Variants in PCDHGB5 observed in about 807,000 individuals in gnomAD.
PCDHGB5 encodes protocadherin gamma subfamily B, 5.
In PCDHGB5, 48 loss-of-function variants were observed where a neutral mutation model predicts 62.9. The observed-to-expected ratio is 0.76, with a 90% CI of 0.61 to 0.97. The LOEUF is 0.97. PCDHGB5 is among the 50% of genes least tolerant of loss of function. The probability of loss-of-function intolerance (pLI) is 0.00; values close to 1 mark genes in which losing one functional copy is unlikely to be tolerated. For missense variants in PCDHGB5, 1,118 were observed against 1,198.6 expected, an observed-to-expected ratio of 0.93 and a Z score of 0.99; for synonymous variants, 474 against 511.2, an observed-to-expected ratio of 0.93 and a Z score of 0.98.
intron 1 of PCDHGB5, among the ~76,000 whole-genome samples, chr5:141,449,579 ACT>A (rs370512396): frequency 0.052 from 7,360 of 141,924 alleles, 400 homozygotes; most frequent in African/African-American, 0.14. Flanking sequence ...ACAGAGCAAG[ACT>A]CTGTCTCAAA....
chr5:141,482,752 T>C (rs1361016909), intron 1 of PCDHGB5, among the ~76,000 whole-genome samples: 1 of 127,096 alleles, frequency 7.9e-6, no homozygotes, highest in Non-Finnish European at 1.6e-5. Context: ...AGAGGGATTA[T>C]GGTATTTCAT....
chr5:141,444,494 A>G (rs892854259), intron 1 of PCDHGB5, among the ~76,000 whole-genome samples: 1 of 152,010 alleles, frequency 6.6e-6, no homozygotes, highest in Admixed American at 6.6e-5. Flanking sequence ...ATATTGTGTA[A>G]TACTTTGCTC....
chr5:141,439,459 A>T (rs558086952), intron 1 of PCDHGB5, among the ~76,000 whole-genome samples: 1 of 152,340 alleles, frequency 6.6e-6, no homozygotes, highest in African/African-American at 2.4e-5. Flanking sequence ...GCAAGACTGC[A>T]CTGCTGCCTT....
At position 141,489,297 on chromosome 5, in the gene PCDHGB5, G is replaced by A. The variant is rs184934961; in HGVS notation, c.2398-5510G>A. 5.1e-6 allele frequency: 8 copies of A among 1,583,774 alleles called. No homozygotes were observed. Among genetic ancestry groups the A allele is most frequent in the Non-Finnish European group, 6.9e-6 (8 of 1,164,904 alleles). ...GGAAATGGCAAGTGCTGTGCATGTT[G>A]TCCTTGTGCTGCTGGGGCTGGGTGT... is the stretch of plus-strand genomic sequence containing the variant. On this transcript the variant is annotated intron_variant, in intron 1 of 3. Coordinates refer to ENST00000617380, the MANE Select transcript of PCDHGB5 (RefSeq NM_018925.3). This position sits in a 1 kb window ranked among gnomAD's most constrained non-coding sequence, Gnocchi z 4.5.
At chr5:141,457,864 C>T (rs962336979) in intron 1 of PCDHGB5, among the ~76,000 whole-genome samples, 5 of 152,166 alleles carry the variant, frequency 3.3e-5, no homozygotes, top group African/African-American at 4.8e-5. Flanking sequence ...CTTCACTGAC[C>T]ACAGGTTAGG....
At chr5:141,481,732 T>G (rs549671056) in intron 1 of PCDHGB5, among the ~76,000 whole-genome samples, 33 of 151,884 alleles carry the variant, frequency 2.2e-4, no homozygotes, top group Non-Finnish European at 4.3e-4. Context: ...GGCGGGCGGA[T>G]CACGAGGTCA....
intron 2 of PCDHGB5, among the ~76,000 whole-genome samples, chr5:141,497,767 C>T (rs1419825322): frequency 1.3e-5 from 2 of 152,066 alleles, no homozygotes; most frequent in East Asian, 3.9e-4. Flanking sequence ...TCAAACTCCC[C>T]GACCTCAACT....
intron 1 of PCDHGB5, chr5:141,421,895 GA>G: frequency 6.2e-7 from 1 of 1,613,730 alleles, no homozygotes; most frequent in African/African-American, 1.3e-5. Flanking sequence ...GATCCCATCC[GA>G]AAGGGCGCAG....
At chr5:141,437,195 A>G (rs2097867163) in intron 1 of PCDHGB5, among the ~76,000 whole-genome samples, 2 of 152,180 alleles carry the variant, frequency 1.3e-5, no homozygotes, top group African/African-American at 4.8e-5. Context: ...ATGGGTTTGG[A>G]TGTGTTTACA....
Position 141,491,900 on chromosome 5 carries a change from G to A in PCDHGB5, c.2398-2907G>A, listed in dbSNP as rs1268804496. 7.0e-7 allele frequency: 1 copy of A among 1,429,818 alleles called. No individual in the cohort carries two copies. Among genetic ancestry groups the A allele is most frequent in the East Asian group, 2.5e-5 (1 of 39,444 alleles). The allele number at this position is 1,429,818 out of a possible 1,614,324, so 88.6% of individuals were successfully genotyped here. A position where few individuals can be genotyped will look rare whatever the true frequency, so the allele number is the denominator to read the frequency against. ...TAAGGGATGGGGCTCCGAGCACCGGGGGTGGTGGCGACTGTGGGCGAGGGG... is the reference window on the plus strand; with the variant it reads ...TAAGGGATGGGGCTCCGAGCACCGGAGGTGGTGGCGACTGTGGGCGAGGGG... On this transcript the variant is annotated intron_variant, in intron 1 of 3. Coordinates refer to ENST00000617380, the MANE Select transcript of PCDHGB5 (RefSeq NM_018925.3). This position sits in a 1 kb window ranked among gnomAD's most constrained non-coding sequence, Gnocchi z 6.9.
chr5:141,478,026 C>T (rs1192406949), intron 1 of PCDHGB5: 2 of 1,614,062 alleles, frequency 1.2e-6, no homozygotes, highest in East Asian at 2.2e-5. Flanking sequence ...GTCCAAGACA[C>T]AGATTCACCC....
At chr5:141,413,844 C>A in intron 1 of PCDHGB5, 2 of 1,613,254 alleles carry the variant, frequency 1.2e-6, no homozygotes, top group Non-Finnish European at 1.7e-6. Context: ...ACGGGGGTGA[C>A]CCTCTCCGAT....
In PCDHGB5 at chr5:141,490,654, C is replaced by A; in HGVS notation, c.2398-4153C>A. On this transcript the variant is annotated intron_variant, in intron 1 of 3. Transcript: ENST00000617380. The surrounding 1 kb of genome is among the most constrained non-coding windows in gnomAD (Gnocchi z 5.4). ...CCTAGAAAACCGGCCTCCGGGCTCC[C>A]TTCTTTGCACTGTGGCTGCCTCAGA... 6.2e-7 allele frequency: 1 copy of A among 1,614,206 alleles called. No individual in the cohort carries two copies. Among genetic ancestry groups the A allele is most frequent in the Non-Finnish European group, 8.5e-7 (1 of 1,180,014 alleles).
chr5:141,421,784 G>C, intron 1 of PCDHGB5: 1 of 1,613,874 alleles, frequency 6.2e-7, no homozygotes, highest in Non-Finnish European at 8.5e-7. Context: ...CTGCGGGGCA[G>C]AACGGATGGG....
At chr5:141,473,002 GAA>G (rs2099311273) in intron 1 of PCDHGB5, among the ~76,000 whole-genome samples, 1 of 143,872 alleles carries the variant, frequency 7.0e-6, no homozygotes, top group East Asian at 2.0e-4. Flanking sequence ...AAAAAAGAAA[GAA>G]AAAGAAAAAG....
At chr5:141,456,695 T>C (rs1264543968) in intron 1 of PCDHGB5, among the ~76,000 whole-genome samples, 2 of 152,136 alleles carry the variant, frequency 1.3e-5, no homozygotes, top group Non-Finnish European at 2.9e-5. Flanking sequence ...CCAGGCGTGG[T>C]GGCTCGCGCC....
intron 1 of PCDHGB5, chr5:141,410,199 A>G: frequency 6.2e-7 from 1 of 1,613,998 alleles, no homozygotes; most frequent in South Asian, 1.1e-5. Flanking sequence ...GTCTTCGCAG[A>G]CAACTTGCAA....
chr5:141,400,657 T>G (rs2094057580), intron 1 of PCDHGB5, 133 bp downstream of exon 1: 1 of 1,081,498 alleles, frequency 9.2e-7, no homozygotes, highest in African/African-American at 1.6e-5. Context: ...TGTCCTACCA[T>G]TCTTTAAGAG....
intron 1 of PCDHGB5, chr5:141,403,947 A>C (rs1451597441): frequency 6.2e-7 from 1 of 1,613,886 alleles, no homozygotes; most frequent in Admixed American, 1.7e-5. Flanking sequence ...GGGTGGACAA[A>C]AGTGCTCATT....
Sources: allele counts gnomAD v4.1 joint callset (sites outside exome capture counted in the v4.1 genomes callset), GRCh38; gene constraint gnomAD v4.1.1; non-coding constraint Gnocchi (gnomAD v3.1); transcripts MANE v1.5; gene names NCBI Gene and HGNC (gene_info 2026-07-23, HGNC 2026-07-21).